The following PARP8 variants were observed in gnomAD, a reference collection of about 807,000 sequenced individuals.
PARP8 encodes the protein poly(ADP-ribose) polymerase family member 8.
Under a neutral mutation model 124.1 loss-of-function variants are expected in PARP8, and 51 were observed. That is an observed-to-expected ratio of 0.41 (90% CI 0.33 to 0.52). The LOEUF (loss-of-function observed/expected upper bound fraction) is 0.52. PARP8 is among the 20% of genes least tolerant of loss of function. PARP8 has a pLI of 0.21. For missense variants in PARP8, 860 were observed against 1,018.9 expected (o/e 0.84, Z 2.12); for synonymous variants, 391 against 361.5 (o/e 1.08, Z -0.93).
At chr5:50,707,039 G>C (rs756663060) in intron 2 of PARP8, among the ~76,000 whole-genome samples, 29 of 152,140 alleles carry the variant, frequency 1.9e-4, no homozygotes, top group Non-Finnish European at 2.4e-4. Context: ...TTATTGGATA[G>C]TCTTAAGTGT....
chr5:50,760,348 A>G lies in PARP8; in HGVS notation c.331A>G (p.Lys111Glu), dbSNP rs770956022. 1.6e-5 allele frequency: 25 copies of G among 1,526,958 alleles called. No individual in the cohort carries two copies. Among genetic ancestry groups the G allele is most frequent in the Non-Finnish European group, 2.1e-5 (24 of 1,117,802 alleles). The allele number at this position is 1,526,958 out of a possible 1,614,324, so 94.6% of individuals were successfully genotyped here. ...CCLSIKSKLQKENGEESRQNS... is the reference protein window; with the variant it reads ...CCLSIKSKLQEENGEESRQNS... ...CTTATCCATAAAATCCAAATTACAAAAGGAAAATGGGGAGGTATGTAAATT... is the reference window on the plus strand; with the variant it reads ...CTTATCCATAAAATCCAAATTACAAGAGGAAAATGGGGAGGTATGTAAATT... The change falls in exon 5 of 26, where the codon AAG becomes GAG. Residue 111 changes from lysine to glutamate, a missense_variant. Lys to Glu is a moderately conservative substitution (Grantham distance 56). Coordinates refer to ENST00000281631, the MANE Select transcript of PARP8 (RefSeq NM_024615.4).
At chr5:50,790,552 A>G (rs1439804126) in intron 10 of PARP8, among the ~76,000 whole-genome samples, 1 of 152,142 alleles carries the variant, frequency 6.6e-6, no homozygotes, top group Non-Finnish European at 1.5e-5. Context: ...AGACACTTAC[A>G]AACTTTTATT....
At chr5:50,817,243 A>T (rs1190712727) in intron 15 of PARP8, among the ~76,000 whole-genome samples, 2 of 152,260 alleles carry the variant, frequency 1.3e-5, no homozygotes, top group African/African-American at 4.8e-5. Flanking sequence ...TTCAAATTAT[A>T]TAATGATTGA....
At position 50,771,709 on chromosome 5, in the gene PARP8, A is replaced by G. The variant is rs551055729; in HGVS notation, c.519-6360A>G. 5.3e-5 allele frequency among the ~76,000 whole-genome samples: 8 copies of G among 152,262 alleles called. No individual in the cohort carries two copies. The South Asian group carries it at 1.5e-3, about 28-fold the overall frequency. The stretch of plus-strand genomic sequence containing the variant: ...TTTAGTGCCAGATACTGTGCTTTAC[A>G]CAATTTTTAAAATTTTATTTTTAAT... On this transcript the variant is annotated intron_variant, in intron 7 of 25. Transcript: ENST00000281631.
At chr5:50,805,972 T>C (rs1743796898) in intron 14 of PARP8, among the ~76,000 whole-genome samples, 1 of 152,066 alleles carries the variant, frequency 6.6e-6, no homozygotes. Flanking sequence ...AGATGCTATG[T>C]TTTCACTTTG....
At chr5:50,828,439 A>T in intron 21 of PARP8, 55 bp downstream of exon 21, 1 of 1,482,434 alleles carries the variant, frequency 6.7e-7, no homozygotes, top group Non-Finnish European at 9.4e-7. Context: ...ATTGAGATTC[A>T]GTAAGCAACC....
At chr5:50,789,767 C>T (rs1177201046) in intron 10 of PARP8, among the ~76,000 whole-genome samples, 1 of 152,122 alleles carries the variant, frequency 6.6e-6, no homozygotes, top group Non-Finnish European at 1.5e-5. Context: ...GTAAATTTGT[C>T]AAGAAAGACC....
chr5:50,681,546 T>G (rs1751292517), intron 2 of PARP8, among the ~76,000 whole-genome samples: 1 of 152,168 alleles, frequency 6.6e-6, no homozygotes, highest in Non-Finnish European at 1.5e-5. Flanking sequence ...ATTATTCTTC[T>G]TACAGCTTTA....
At chr5:50,815,113 C>T (rs1465225365) in intron 14 of PARP8, among the ~76,000 whole-genome samples, 2 of 151,978 alleles carry the variant, frequency 1.3e-5, no homozygotes, top group Admixed American at 6.6e-5. Flanking sequence ...CTGTGCATCT[C>T]ATGTGCAAAT....
At chr5:50,839,899 A>T (rs943716514) in intron 25 of PARP8, among the ~76,000 whole-genome samples, 9 of 151,930 alleles carry the variant, frequency 5.9e-5, no homozygotes, top group Admixed American at 6.6e-5. Context: ...TGGGGGAGTG[A>T]TGGGGCATGA....
At chr5:50,732,230 T>C (rs1248888475) in intron 2 of PARP8, among the ~76,000 whole-genome samples, 5 of 152,156 alleles carry the variant, frequency 3.3e-5, no homozygotes, top group Non-Finnish European at 7.4e-5. Context: ...ACATAGTAAT[T>C]TAGTGAGTGG....
chr5:50,786,068 A>G (rs1741212643), intron 9 of PARP8, among the ~76,000 whole-genome samples: 2 of 152,216 alleles, frequency 1.3e-5, no homozygotes, highest in South Asian at 2.1e-4. Flanking sequence ...AAAATAAAAT[A>G]AAAACCCTCT....
chr5:50,834,076 A>G (rs1747292976), intron 24 of PARP8, 28 bp downstream of exon 24: 2 of 1,531,196 alleles, frequency 1.3e-6, no homozygotes, highest in Non-Finnish European at 1.8e-6. Context: ...CAAACCTCAT[A>G]GTGTTAGTTC....
chr5:50,789,159 G>T (rs1240195337), intron 10 of PARP8, among the ~76,000 whole-genome samples: 3 of 151,968 alleles, frequency 2.0e-5, no homozygotes, highest in Admixed American at 6.6e-5. Flanking sequence ...TGAAACATTG[G>T]TTTTTTAACT....
At chr5:50,698,312 T>TTGTACTTGAAGTGTTCA (rs1753241187) in intron 2 of PARP8, among the ~76,000 whole-genome samples, 1 of 152,240 alleles carries the variant, frequency 6.6e-6, no homozygotes, top group Admixed American at 6.5e-5. Context: ...AACATGACCT[T>TTGTACTTGAAGTGTTCA]TGTACTTGAA....
Position 50,666,987 on chromosome 5 carries a change from C to T in PARP8, c.-109C>T, listed in dbSNP as rs933463120. ...AAACCACTTCGCCTTCAGCCCCTGC[C>T]TCGGCCAGAGGTTTCATTTTTAACT... On this transcript the variant is annotated 5_prime_UTR_variant, in exon 1 of 26. Transcript: ENST00000281631. The T allele has an allele frequency of 3.3e-4, 505 of 1,537,850 alleles. 2 individuals are homozygous for T. Among genetic ancestry groups the T allele is most frequent in the South Asian group, 9.4e-4 (81 of 86,068 alleles).
chr5:50,757,987 A>G (rs1174226957), intron 3 of PARP8, among the ~76,000 whole-genome samples: 2 of 152,092 alleles, frequency 1.3e-5, no homozygotes, highest in African/African-American at 4.8e-5. Context: ...TCCATTGTGC[A>G]CAGGGAAAAC....
chr5:50,744,564 T>G (rs935414447), intron 2 of PARP8, among the ~76,000 whole-genome samples: 2 of 152,218 alleles, frequency 1.3e-5, no homozygotes, highest in African/African-American at 4.8e-5. Flanking sequence ...AAAATAATTT[T>G]TAGATTCTGG....
intron 14 of PARP8, 25 bp downstream of exon 14, chr5:50,797,258 C>A: frequency 6.7e-7 from 1 of 1,483,752 alleles, no homozygotes; most frequent in South Asian, 1.2e-5. Context: ...ATAGAATGTC[C>A]GTGTTGGTTT....
Sources: gnomAD v4.1 joint callset for allele counts (sites outside exome capture counted in the v4.1 genomes callset) on GRCh38, gnomAD v4.1.1 for gene constraint, MANE v1.5 for transcripts, NCBI Gene and HGNC (gene_info 2026-07-23, HGNC 2026-07-21) for gene names.